The following APC variants were observed in gnomAD, a reference collection of about 807,000 sequenced individuals.
APC encodes the protein adenomatous polyposis coli protein.
In APC, 72 loss-of-function variants were observed where a neutral mutation model predicts 247.0. That is an observed-to-expected ratio of 0.29 (90% CI 0.24 to 0.35). The LOEUF is 0.35. APC is among the 10% of genes least tolerant of loss of function. The probability of loss-of-function intolerance (pLI) is 1.00; values close to 1 mark genes in which losing one functional copy is unlikely to be tolerated. For synonymous variants in APC, 1,254 were observed against 1,162.5 expected, an observed-to-expected ratio of 1.08 and a Z score of -1.60; for missense variants, 3,400 against 3,360.7, an observed-to-expected ratio of 1.01 and a Z score of -0.29.
intron 6 of APC, among the ~76,000 whole-genome samples, chr5:112,784,031 A>G (rs1181465258): frequency 6.6e-6 from 1 of 152,032 alleles, no homozygotes; most frequent in East Asian, 1.9e-4. Context: ...AGGGTGTGAA[A>G]GTAAAAACAT....
intron 14 of APC, among the ~76,000 whole-genome samples, chr5:112,830,777 T>C (rs957908113): frequency 1.3e-5 from 2 of 151,972 alleles, no homozygotes; most frequent in African/African-American, 2.4e-5. Context: ...TGGCCTGGGG[T>C]TGGGAGTAGA....
intron 5 of APC, among the ~76,000 whole-genome samples, chr5:112,779,991 C>A (rs752678463): frequency 1.3e-5 from 2 of 152,122 alleles, no homozygotes; most frequent in South Asian, 4.1e-4. Flanking sequence ...CCTTCATGGC[C>A]CATTATAAGT....
chr5:112,798,259 T>C (rs1313453070), intron 7 of APC, among the ~76,000 whole-genome samples: 1 of 152,218 alleles, frequency 6.6e-6, no homozygotes, highest in Admixed American at 6.5e-5. Flanking sequence ...AAAAGTAAGT[T>C]ACTGATGCAG....
intron 1 of APC, among the ~76,000 whole-genome samples, chr5:112,732,062 A>G (rs531867809): frequency 9.8e-5 from 15 of 152,320 alleles, no homozygotes; most frequent in African/African-American, 3.6e-4. Context: ...GCACATGACC[A>G]GAACATTTTT....
chr5:112,786,890 T>C (rs181388907), intron 6 of APC, among the ~76,000 whole-genome samples: 1,106 of 107,270 alleles, frequency 0.01, 15 homozygotes, highest in African/African-American at 0.028. Flanking sequence ...CTTTTTCTTT[T>C]TTTTTTTTTT....
At chr5:112,781,808 A>G (rs974773563) in intron 6 of APC, among the ~76,000 whole-genome samples, 2 of 151,552 alleles carry the variant, frequency 1.3e-5, no homozygotes, top group African/African-American at 4.9e-5. Flanking sequence ...CCCAGGCTGA[A>G]GTGCAATGGC....
rs730881241 is a variant in APC, at chr5:112,838,253, A to G, written c.2659A>G (p.Ile887Val). The change falls in exon 16 of 16, where the codon ATT becomes GTT. Residue 887 changes from isoleucine (I) to valine (V), a missense_variant. By Grantham distance (29) the Ile-to-Val change is conservative (BLOSUM62 3). Coordinates refer to ENST00000257430, the MANE Select transcript of APC (RefSeq NM_000038.6). ...GCAGATCTCCACCACTGCAGCCCAG[A>G]TTGCCAAAGTCATGGAAGAAGTGTC... ...GLQISTTAAQ[I>V]AKVMEEVSAI... is the part of the protein sequence containing the mutation. The G allele has an allele frequency of 4.3e-6, 7 of 1,614,230 alleles. No individual in the cohort carries two copies. The highest frequency in any genetic ancestry group is 5.9e-6 in the Non-Finnish European group (7 of 1,180,044).
intron 1 of APC, among the ~76,000 whole-genome samples, chr5:112,739,535 A>C (rs532573426): frequency 6.6e-6 from 1 of 152,216 alleles, no homozygotes; most frequent in East Asian, 1.9e-4. Flanking sequence ...TTCTGCTTTA[A>C]GAATTACTTG....
At chr5:112,826,066 G>A (rs1763627511) in intron 11 of APC, among the ~76,000 whole-genome samples, 1 of 152,088 alleles carries the variant, frequency 6.6e-6, no homozygotes, top group Non-Finnish European at 1.5e-5. Flanking sequence ...TAAATCCCTT[G>A]GCTTGGAATT....
chr5:112,843,504 G>A lies in APC; in HGVS notation c.7910G>A (p.Gly2637Asp), dbSNP rs752753706. The change falls in exon 16 of 16, where the codon GGT becomes GAT. Residue 2637 changes from glycine (G) to aspartate (D), a missense_variant. Coordinates refer to ENST00000257430, the MANE Select transcript of APC (RefSeq NM_000038.6). This position sits in a 1 kb window ranked among gnomAD's most constrained non-coding sequence, Gnocchi z 4.8. Reference sequence around the variant, plus strand: ...ACCGTTTCCTCAGGTGCTACAAATGGTGCTGAATCAAAGACTCTAATTTAT... The same window carrying A: ...ACCGTTTCCTCAGGTGCTACAAATGATGCTGAATCAAAGACTCTAATTTAT... ...SQTVSSGATN[G>D]AESKTLIYQM... 6.2e-7 allele frequency: 1 copy of A among 1,613,858 alleles called. No homozygotes were observed. The highest frequency in any genetic ancestry group is 1.7e-5 in the Admixed American group (1 of 60,008).
chr5:112,722,518 A>G (rs557073058), intron 1 of APC, among the ~76,000 whole-genome samples: 1 of 152,188 alleles, frequency 6.6e-6, no homozygotes, highest in East Asian at 1.9e-4. Flanking sequence ...AAATACCATC[A>G]GATCCCACAG....
chr5:112,794,617 G>T (rs536974112), intron 7 of APC, among the ~76,000 whole-genome samples: 2 of 152,160 alleles, frequency 1.3e-5, no homozygotes, highest in South Asian at 4.1e-4. Context: ...ATTCCACCCC[G>T]TGTGCGTGTG....
At chr5:112,711,197 C>T (rs542266702) in intron 1 of APC, among the ~76,000 whole-genome samples, 158 of 152,308 alleles carry the variant, frequency 1.0e-3, no homozygotes, top group Non-Finnish European at 1.2e-3. Flanking sequence ...AGATCAGTGG[C>T]GGCATTAGAT....
At chr5:112,751,952 G>A (rs1379982399) in intron 1 of APC, among the ~76,000 whole-genome samples, 1 of 151,816 alleles carries the variant, frequency 6.6e-6, no homozygotes, top group Non-Finnish European at 1.5e-5. Flanking sequence ...TTTGTAAAGT[G>A]TCTTTTCCTC....
At position 112,707,902 on chromosome 5, in the gene APC, T is replaced by A. The variant is rs1191699028; in HGVS notation, c.165+20T>A. The A allele has an allele frequency of 4.4e-6, 6 of 1,357,044 alleles. No homozygotes were observed. The South Asian group carries it at 6.2e-5, about 14-fold the overall frequency. The allele number at this position is 1,357,044 out of a possible 1,614,324, so 84.1% of individuals were successfully genotyped here. A position where few individuals can be genotyped will look rare whatever the true frequency, so the allele number is the denominator to read the frequency against. On this transcript the variant is annotated intron_variant, in intron 1 of 13. Transcript: ENST00000507379. ...TGGCAGGTGAGTGAGGCTGCAGGCA[T>A]TGACGTCTCCTCCCGGCAAAGCTTC...
chr5:112,804,091 C>G (rs1331278785), intron 8 of APC, among the ~76,000 whole-genome samples: 1 of 152,148 alleles, frequency 6.6e-6, no homozygotes, highest in Admixed American at 6.5e-5. Context: ...CTAAAACTGT[C>G]TTCTGCTTCA....
At chr5:112,774,297 T>C (rs1757361608) in intron 4 of APC, among the ~76,000 whole-genome samples, 1 of 152,120 alleles carries the variant, frequency 6.6e-6, no homozygotes, top group South Asian at 2.1e-4. Flanking sequence ...CCTAAAGTTT[T>C]TGAGTAACAT....
At chr5:112,762,980 G>C (rs762738921) in intron 2 of APC, among the ~76,000 whole-genome samples, 2 of 152,178 alleles carry the variant, frequency 1.3e-5, no homozygotes, top group Non-Finnish European at 2.9e-5. Context: ...AGATTTTGTT[G>C]ATGAGGTTCA....
At chr5:112,720,955 T>G (rs1751450074) in intron 1 of APC, among the ~76,000 whole-genome samples, 2 of 152,108 alleles carry the variant, frequency 1.3e-5, no homozygotes, top group Non-Finnish European at 2.9e-5. Flanking sequence ...AAGAGACTGG[T>G]TATTGTTGCA....
Sources: gnomAD v4.1 joint callset for allele counts (sites outside exome capture counted in the v4.1 genomes callset) on GRCh38, gnomAD v4.1.1 for gene constraint, Gnocchi (gnomAD v3.1) non-coding constraint, MANE v1.5 for transcripts, NCBI Gene and HGNC (gene_info 2026-07-23, HGNC 2026-07-21) for gene names.